Variants in TAFA1 observed in about 807,000 individuals in gnomAD.
TAFA1 encodes TAFA chemokine like family member 1.
In TAFA1, 4 loss-of-function variants were observed where a neutral mutation model predicts 18.5. That is an observed-to-expected ratio of 0.22 (90% CI 0.11 to 0.49). TAFA1 has a LOEUF of 0.49. Ranked by LOEUF, TAFA1 falls within the 20% of genes least tolerant of loss-of-function variation. TAFA1 has a pLI of 0.98. For missense variants in TAFA1, 147 were observed against 169.0 expected (o/e 0.87, Z 0.72); for synonymous variants, 56 against 55.2 (o/e 1.01, Z -0.06).
Position 68,086,139 on chromosome 3 carries a change from G to A in TAFA1, c.118+79395G>A, listed in dbSNP as rs181282276. ...ATCTGGAAGTGGAGAATTACCTGAT[G>A]TTCTGATGTGAGTAGTGGTCTATGA... On this transcript the variant is annotated intron_variant, in intron 2 of 4. Transcript: ENST00000478136. 4.3e-4 allele frequency among the ~76,000 whole-genome samples: 66 copies of A among 152,328 alleles called. 2 individuals are homozygous for A. The highest frequency in any genetic ancestry group is 1.5e-3 in the African/African-American group (62 of 41,568).
chr3:68,400,421 A>AT (rs1490459760), intron 2 of TAFA1, among the ~76,000 whole-genome samples: 8 of 152,242 alleles, frequency 5.3e-5, no homozygotes, highest in Admixed American at 5.2e-4. Context: ...ACTATAGTGC[A>AT]TTCCTAGCAA....
intron 2 of TAFA1, among the ~76,000 whole-genome samples, chr3:68,079,744 A>G (rs1423054614): frequency 5.9e-5 from 9 of 152,126 alleles, no homozygotes; most frequent in Non-Finnish European, 1.3e-4. Context: ...TATGTGGTCA[A>G]TTTTGGAATA....
intron 2 of TAFA1, among the ~76,000 whole-genome samples, chr3:68,179,940 A>G (rs982669006): frequency 6.6e-6 from 1 of 151,714 alleles, no homozygotes; most frequent in Admixed American, 6.6e-5. Context: ...CTTAAACTCT[A>G]TGAACAAATC....
At chr3:68,246,360 G>A (rs1443482524) in intron 2 of TAFA1, among the ~76,000 whole-genome samples, 1 of 151,970 alleles carries the variant, frequency 6.6e-6, no homozygotes, top group Non-Finnish European at 1.5e-5. Context: ...GGAGGCCGAG[G>A]CGGGTGGATC....
chr3:68,280,699 G>A (rs766613190), intron 2 of TAFA1, among the ~76,000 whole-genome samples: 34 of 152,050 alleles, frequency 2.2e-4, no homozygotes, highest in Non-Finnish European at 4.7e-4. Flanking sequence ...CACTTTCATG[G>A]ATCTAAAAAT....
chr3:68,160,955 C>A (rs1232033810), intron 2 of TAFA1, among the ~76,000 whole-genome samples: 1 of 152,070 alleles, frequency 6.6e-6, no homozygotes, highest in East Asian at 1.9e-4. Flanking sequence ...TCAAGTGGGT[C>A]AAAATGCAAA....
intron 2 of TAFA1, among the ~76,000 whole-genome samples, chr3:68,098,013 A>G (rs2065107128): frequency 6.6e-6 from 1 of 152,174 alleles, no homozygotes; most frequent in Non-Finnish European, 1.5e-5. Context: ...TGTGAAATAG[A>G]AAATTATGCA....
intron 2 of TAFA1, among the ~76,000 whole-genome samples, chr3:68,140,419 G>A (rs79437407): frequency 0.077 from 11,754 of 152,248 alleles, 521 homozygotes; most frequent in Middle Eastern, 0.12. Context: ...TTTCCAATGA[G>A]GAATCATACG....
At chr3:68,340,534 G>A (rs138941284) in intron 2 of TAFA1, among the ~76,000 whole-genome samples, 135 of 152,230 alleles carry the variant, frequency 8.9e-4, no homozygotes, top group African/African-American at 3.0e-3. Context: ...ACTCACCATC[G>A]CACTCTACTC....
chr3:68,463,523 A>T (rs2071824766), intron 3 of TAFA1, among the ~76,000 whole-genome samples: 1 of 152,056 alleles, frequency 6.6e-6, no homozygotes, highest in Non-Finnish European at 1.5e-5. Flanking sequence ...GCCCCCACTT[A>T]TCCTTGCCTT....
At chr3:68,388,665 C>T (rs942269037) in intron 2 of TAFA1, among the ~76,000 whole-genome samples, 11 of 152,056 alleles carry the variant, frequency 7.2e-5, no homozygotes, top group Admixed American at 4.6e-4. Context: ...TTTTGTCATA[C>T]GCTTTCGGCC....
At chr3:68,079,616 A>T (rs961541999) in intron 2 of TAFA1, among the ~76,000 whole-genome samples, 3 of 151,874 alleles carry the variant, frequency 2.0e-5, no homozygotes, top group Admixed American at 6.6e-5. Flanking sequence ...CATGTAGTTG[A>T]GCGGTTTTGA....
intron 2 of TAFA1, among the ~76,000 whole-genome samples, chr3:68,165,735 T>C (rs1203013918): frequency 6.6e-5 from 10 of 152,226 alleles, no homozygotes; most frequent in Non-Finnish European, 4.4e-5. Context: ...AATACAGTGA[T>C]GAACTAAACA....
At chr3:68,208,164 G>A (rs2066549874) in intron 2 of TAFA1, among the ~76,000 whole-genome samples, 2 of 151,896 alleles carry the variant, frequency 1.3e-5, no homozygotes, top group Admixed American at 6.6e-5. Flanking sequence ...GGATATGGAC[G>A]TTTGGAAGCT....
At chr3:68,013,558 T>G (rs1704513462) in intron 2 of TAFA1, among the ~76,000 whole-genome samples, 1 of 152,168 alleles carries the variant, frequency 6.6e-6, no homozygotes, top group Admixed American at 6.6e-5. Flanking sequence ...TGAAGAGGCT[T>G]CACTTGGCAA....
chr3:68,051,069 A>G (rs1238747503), intron 2 of TAFA1, among the ~76,000 whole-genome samples: 1 of 151,404 alleles, frequency 6.6e-6, no homozygotes, highest in Non-Finnish European at 1.5e-5. Flanking sequence ...TTTGGCAACT[A>G]TATGCACACA....
At chr3:68,031,938 G>A (rs1270820397) in intron 2 of TAFA1, among the ~76,000 whole-genome samples, 1 of 152,040 alleles carries the variant, frequency 6.6e-6, no homozygotes, top group Non-Finnish European at 1.5e-5. Flanking sequence ...TAAATTATAC[G>A]GATTTGAATC....
chr3:68,400,733 G>T (rs1245005241), intron 2 of TAFA1, among the ~76,000 whole-genome samples: 1 of 152,074 alleles, frequency 6.6e-6, no homozygotes, highest in Non-Finnish European at 1.5e-5. Context: ...ATTTATACAT[G>T]GAAATTACCT....
At position 68,237,101 on chromosome 3, in the gene TAFA1, A is replaced by G. The variant is rs958560177; in HGVS notation, c.119-180179A>G. ...AGGCTGCTATAACCAAATACCATAA[A>G]CTGGGTGACTTATAAACAACAGAAA... is the stretch of plus-strand genomic sequence containing the variant. On this transcript the variant is annotated intron_variant, in intron 2 of 4. Transcript: ENST00000478136. Among the ~76,000 whole-genome samples the G allele has an allele frequency of 2.0e-5, 3 of 152,208 alleles. No individual in the cohort carries two copies. In the South Asian group the frequency reaches 6.2e-4, roughly 31 times the overall value.
Sources: allele counts gnomAD v4.1 joint callset (sites outside exome capture counted in the v4.1 genomes callset), GRCh38; gene constraint gnomAD v4.1.1; transcripts MANE v1.5; gene names NCBI Gene and HGNC (gene_info 2026-07-23, HGNC 2026-07-21).